SMYD3: variants seen among roughly 807,000 people sequenced by gnomAD.
SMYD3 encodes the protein histone-lysine N-methyltransferase SMYD3.
SMYD3 carries 36 observed loss-of-function variants against 57.7 expected under a neutral mutation model. The ratio of observed to expected loss-of-function variants is 0.62; its 90% confidence interval spans 0.48 to 0.82. SMYD3 has a LOEUF of 0.82. Among genes scored for constraint, SMYD3 ranks in the 40% least tolerant of loss-of-function variants. The probability of loss-of-function intolerance (pLI) is 0.00; values close to 1 mark genes in which losing one functional copy is unlikely to be tolerated. For synonymous variants in SMYD3, 211 were observed against 195.0 expected (o/e 1.08, Z -0.68); for missense variants, 515 against 538.8 (o/e 0.96, Z 0.44).
chr1:246,220,243 C>A (rs1447537950), intron 5 of SMYD3, among the ~76,000 whole-genome samples: 2 of 152,040 alleles, frequency 1.3e-5, no homozygotes, highest in Non-Finnish European at 2.9e-5. Context: ...TACCATCACA[C>A]CAGCTGCAGT....
At chr1:245,921,354 G>A (rs887891274) in intron 7 of SMYD3, among the ~76,000 whole-genome samples, 2 of 152,124 alleles carry the variant, frequency 1.3e-5, no homozygotes, top group African/African-American at 4.8e-5. Context: ...TTAACCCACT[G>A]TTGAAAGCAG....
intron 5 of SMYD3, among the ~76,000 whole-genome samples, chr1:246,082,099 G>C (rs998112413): frequency 2.0e-5 from 3 of 152,094 alleles, no homozygotes; most frequent in East Asian, 3.9e-4. Flanking sequence ...AGCTAACCAT[G>C]GGAGACAGGA....
intron 8 of SMYD3, among the ~76,000 whole-genome samples, chr1:245,911,022 T>C (rs1572662037): frequency 6.6e-6 from 1 of 151,872 alleles, no homozygotes; most frequent in East Asian, 1.9e-4. Context: ...AATCACAATA[T>C]ATAGGAACTC....
At chr1:245,836,386 T>C (rs2050108278) in intron 10 of SMYD3, among the ~76,000 whole-genome samples, 2 of 152,228 alleles carry the variant, frequency 1.3e-5, no homozygotes, top group Admixed American at 6.5e-5. Context: ...GAACTGACCA[T>C]GCACTCACAA....
intron 5 of SMYD3, among the ~76,000 whole-genome samples, chr1:246,181,851 T>C (rs1342105007): frequency 6.6e-6 from 1 of 152,142 alleles, no homozygotes; most frequent in Non-Finnish European, 1.5e-5. Context: ...GGTAGAGAGA[T>C]TTGAAAAATG....
intron 5 of SMYD3, among the ~76,000 whole-genome samples, chr1:246,050,040 C>T (rs1270420568): frequency 6.6e-6 from 1 of 152,188 alleles, no homozygotes; most frequent in Non-Finnish European, 1.5e-5. Flanking sequence ...CTAGTGAACG[C>T]ATTAATATAA....
chr1:246,146,782 C>A (rs1053401567), intron 5 of SMYD3, among the ~76,000 whole-genome samples: 4 of 152,040 alleles, frequency 2.6e-5, no homozygotes, highest in African/African-American at 9.7e-5. Flanking sequence ...CACAACAGCA[C>A]CAATTCTGAG....
At chr1:246,064,323 C>A (rs2060305112) in intron 5 of SMYD3, among the ~76,000 whole-genome samples, 1 of 152,188 alleles carries the variant, frequency 6.6e-6, no homozygotes, top group Non-Finnish European at 1.5e-5. Flanking sequence ...AATTTCTCAA[C>A]ACTTTCTCCC....
chr1:245,816,701 C>G (rs144405951), intron 10 of SMYD3, among the ~76,000 whole-genome samples: 1 of 151,896 alleles, frequency 6.6e-6, no homozygotes, highest in Non-Finnish European at 1.5e-5. Context: ...GCACCGTGCG[C>G]GAGCCGAAGC....
intron 2 of SMYD3, among the ~76,000 whole-genome samples, chr1:246,351,779 C>T (rs1328957262): frequency 6.6e-6 from 1 of 152,056 alleles, no homozygotes; most frequent in Non-Finnish European, 1.5e-5. Flanking sequence ...TTATGTTTTA[C>T]CCTGTATGAT....
At chr1:246,482,255 A>G (rs2103061018) in intron 1 of SMYD3, among the ~76,000 whole-genome samples, 1 of 152,322 alleles carries the variant, frequency 6.6e-6, no homozygotes, top group African/African-American at 2.4e-5. Flanking sequence ...TATAATCTTT[A>G]CACTAATGGT....
At chr1:246,039,026 G>T (rs2059824902) in intron 5 of SMYD3, among the ~76,000 whole-genome samples, 1 of 152,164 alleles carries the variant, frequency 6.6e-6, no homozygotes, top group African/African-American at 2.4e-5. Flanking sequence ...CTCTACCAGA[G>T]TTTAATATTT....
intron 1 of SMYD3, among the ~76,000 whole-genome samples, chr1:246,481,621 T>TATATATATATATATATACACACACAC (rs1307881494): frequency 2.0e-5 from 2 of 98,552 alleles, no homozygotes; most frequent in African/African-American, 7.5e-5. Flanking sequence ...CATACATATA[T>TATATATATATATATATACACACACAC]ACATACATAC....
At chr1:245,937,961 ATC>A (rs1391216377) in intron 5 of SMYD3, among the ~76,000 whole-genome samples, 2 of 152,228 alleles carry the variant, frequency 1.3e-5, no homozygotes, top group Non-Finnish European at 2.9e-5. Context: ...GGCTCAAGTT[ATC>A]TGTTTTTCCG....
intron 5 of SMYD3, among the ~76,000 whole-genome samples, chr1:246,282,993 G>A (rs1394892026): frequency 6.6e-6 from 1 of 152,172 alleles, no homozygotes; most frequent in Non-Finnish European, 1.5e-5. Context: ...TTCCTTCAGA[G>A]TGATCGGAAT....
At chr1:246,058,318 G>T (rs2060188849) in intron 5 of SMYD3, among the ~76,000 whole-genome samples, 1 of 152,156 alleles carries the variant, frequency 6.6e-6, no homozygotes, top group Admixed American at 6.5e-5. Flanking sequence ...TGTGTGTTTT[G>T]TGTTGGAGGT....
At chr1:246,127,405 T>C (rs1031147245) in intron 5 of SMYD3, among the ~76,000 whole-genome samples, 5 of 152,210 alleles carry the variant, frequency 3.3e-5, no homozygotes, top group African/African-American at 1.2e-4. Context: ...GTGATGATAC[T>C]GCATTGGAAA....
chr1:246,423,245 C>T (rs1048600250), intron 1 of SMYD3, among the ~76,000 whole-genome samples: 1 of 148,084 alleles, frequency 6.8e-6, no homozygotes, highest in Non-Finnish European at 1.5e-5. Context: ...TGCAGTGAGC[C>T]GAGATCGCGC....
chr1:246,391,824 T>C (rs894841002), intron 1 of SMYD3, among the ~76,000 whole-genome samples: 1 of 152,180 alleles, frequency 6.6e-6, no homozygotes, highest in Non-Finnish European at 1.5e-5. Context: ...CAGCTGTTCA[T>C]ATCACATTCC....
Sources: gnomAD v4.1 joint callset for allele counts (sites outside exome capture counted in the v4.1 genomes callset) on GRCh38, gnomAD v4.1.1 for gene constraint, MANE v1.5 for transcripts, NCBI Gene and HGNC (gene_info 2026-07-23, HGNC 2026-07-21) for gene names.